The following TLN2 variants were observed in gnomAD, a reference collection of about 807,000 sequenced individuals.
The protein encoded by TLN2 is talin 2, also known as talin-2.
TLN2 carries 118 observed loss-of-function variants against 294.7 expected under a neutral mutation model. The observed-to-expected ratio is 0.40, with a 90% CI of 0.34 to 0.47. The LOEUF (loss-of-function observed/expected upper bound fraction) is 0.47. Among genes scored for constraint, TLN2 ranks in the 20% least tolerant of loss-of-function variants. TLN2 has a pLI of 0.84. For missense variants in TLN2, 3,083 were observed against 3,282.2 expected (o/e 0.94, Z 1.48); for synonymous variants, 1,431 against 1,304.5 (o/e 1.10, Z -2.09).
At chr15:62,479,884 TTAAA>T (rs2037987126) in intron 1 of TLN2, among the ~76,000 whole-genome samples, 1 of 152,242 alleles carries the variant, frequency 6.6e-6, no homozygotes, top group South Asian at 2.1e-4. Context: ...TAAACATCTG[TTAAA>T]TAAACTCAAC....
chr15:62,783,425 G>A (rs1352910167), intron 44 of TLN2, among the ~76,000 whole-genome samples: 1 of 152,218 alleles, frequency 6.6e-6, no homozygotes, highest in African/African-American at 2.4e-5. Flanking sequence ...GGCTGCGCTG[G>A]CGAGGGGCTG....
At chr15:62,490,950 G>C (rs970478549) in intron 1 of TLN2, among the ~76,000 whole-genome samples, 3 of 152,162 alleles carry the variant, frequency 2.0e-5, no homozygotes, top group Admixed American at 2.0e-4. Context: ...ATAGCCTTAG[G>C]AGATCCTGAT....
At chr15:62,747,969 C>T (rs569752691) in intron 32 of TLN2, among the ~76,000 whole-genome samples, 4 of 152,122 alleles carry the variant, frequency 2.6e-5, no homozygotes, top group Admixed American at 2.0e-4. Context: ...AGGGGTTCAT[C>T]TTGCTGTCTG....
intron 1 of TLN2, among the ~76,000 whole-genome samples, chr15:62,511,256 T>C (rs1329209686): frequency 6.6e-6 from 1 of 152,174 alleles, no homozygotes; most frequent in Non-Finnish European, 1.5e-5. Context: ...ATTAGTGTGT[T>C]TTTTTATGTT....
intron 12 of TLN2, 103 bp downstream of exon 12, chr15:62,686,899 G>A (rs1400320631): frequency 1.4e-6 from 2 of 1,460,870 alleles, no homozygotes; most frequent in Admixed American, 2.1e-5. Context: ...TCTCTGGCCT[G>A]GGAGAGCCAG....
intron 52 of TLN2, 41 bp downstream of exon 52, chr15:62,810,073 C>A (rs1201315215): frequency 1.3e-6 from 2 of 1,516,138 alleles, no homozygotes; most frequent in Non-Finnish European, 1.8e-6. Flanking sequence ...GTAGCTGTGT[C>A]CCTCTAGCTG....
chr15:62,824,192 G>C (rs1401986205), intron 54 of TLN2, among the ~76,000 whole-genome samples: 1 of 152,048 alleles, frequency 6.6e-6, no homozygotes, highest in African/African-American at 2.4e-5. Context: ...AGTATTACTG[G>C]ATTACTTGCT....
intron 3 of TLN2, among the ~76,000 whole-genome samples, chr15:62,625,071 T>C (rs2140871203): frequency 1.3e-5 from 2 of 152,326 alleles, no homozygotes; most frequent in South Asian, 4.1e-4. Context: ...TGTGTGTTAT[T>C]GTGCTGGAAG....
chr15:62,762,147 C>T (rs1010287313), intron 38 of TLN2, 125 bp from the exon 39 acceptor site: 9 of 1,154,218 alleles, frequency 7.8e-6, no homozygotes, highest in Non-Finnish European at 1.1e-5. Context: ...TCATGGTTCC[C>T]TGCCCTCTTT....
At chr15:62,741,732 T>C (rs1331164348) in intron 32 of TLN2, among the ~76,000 whole-genome samples, 1 of 109,282 alleles carries the variant, frequency 9.2e-6, no homozygotes, top group African/African-American at 3.4e-5. Context: ...TTTAACTTGG[T>C]TTTTTAAAAT....
At chr15:62,423,585 ATTT>A (rs879392912) in intron 1 of TLN2, among the ~76,000 whole-genome samples, 1 of 145,884 alleles carries the variant, frequency 6.9e-6, no homozygotes, top group Admixed American at 6.9e-5. Context: ...GATGAAATTG[ATTT>A]TTTTTTTTTT....
At chr15:62,833,836 G>C (rs889272663) in intron 55 of TLN2, 1 of 576,492 alleles carries the variant, frequency 1.7e-6, no homozygotes, top group Non-Finnish European at 2.8e-6. Flanking sequence ...CCTCTCATCT[G>C]CTTCTTGTTA....
chr15:62,814,224 A>G (rs2066905662), intron 52 of TLN2, among the ~76,000 whole-genome samples: 1 of 152,382 alleles, frequency 6.6e-6, no homozygotes, highest in African/African-American at 2.4e-5. Context: ...AATAATGGAA[A>G]AAAGGGGACT....
intron 12 of TLN2, among the ~76,000 whole-genome samples, chr15:62,692,011 T>C (rs1422061123): frequency 1.3e-5 from 2 of 152,218 alleles, no homozygotes; most frequent in African/African-American, 4.8e-5. Flanking sequence ...TATTCTGTTA[T>C]AGCAGGTGGC....
intron 36 of TLN2, chr15:62,754,722 T>C (rs1210156430): frequency 6.6e-6 from 1 of 151,922 alleles, no homozygotes; most frequent in Admixed American, 6.6e-5. Context: ...TATCTGGGAG[T>C]CCTTACCCAT....
In TLN2 at chr15:62,699,107, T is replaced by G. The variant is rs569849653; in HGVS notation, c.1587+240T>G. 8.5e-5 allele frequency among the ~76,000 whole-genome samples: 13 copies of G among 152,290 alleles called. 1 individual carries two copies. The South Asian group carries it at 2.7e-3, about 32-fold the overall frequency. Reference sequence around the variant, plus strand: ...TGAGAACTTGAACCCTAGGATCCTGTGACCTGGGTTCAAACACCAGCTCCA... The same window carrying G: ...TGAGAACTTGAACCCTAGGATCCTGGGACCTGGGTTCAAACACCAGCTCCA... On this transcript the variant is annotated intron_variant, in intron 16 of 58. Transcript: ENST00000636159.
chr15:62,825,789 TTATAATA>T (rs199611766), intron 54 of TLN2, among the ~76,000 whole-genome samples: 65,101 of 83,258 alleles, frequency 0.78, 26,938 homozygotes, highest in Middle Eastern at 0.85. Context: ...ATATTATATA[TTATAATA>T]TATATTATAT....
intron 1 of TLN2, among the ~76,000 whole-genome samples, chr15:62,420,861 G>C (rs2034351977): frequency 6.6e-6 from 1 of 152,154 alleles, no homozygotes; most frequent in Admixed American, 6.5e-5. Context: ...TCAAATCTCT[G>C]TGATTTAGCA....
chr15:62,649,814 T>G (rs545285692), intron 4 of TLN2, among the ~76,000 whole-genome samples: 1 of 152,214 alleles, frequency 6.6e-6, no homozygotes, highest in African/African-American at 2.4e-5. Flanking sequence ...TTGGACTGCT[T>G]CTAAATTTTC....
Sources: gnomAD v4.1 joint callset for allele counts (sites outside exome capture counted in the v4.1 genomes callset) on GRCh38, gnomAD v4.1.1 for gene constraint, MANE v1.5 for transcripts, NCBI Gene and HGNC (gene_info 2026-07-23, HGNC 2026-07-21) for gene names.